The following LPAR1 variants were observed in gnomAD, a reference collection of about 807,000 sequenced individuals.
LPAR1 encodes lysophosphatidic acid receptor 1, also known as LPA receptor 1.
Under a neutral mutation model 23.8 loss-of-function variants are expected in LPAR1, and 5 were observed. That is an observed-to-expected ratio of 0.21 (90% CI 0.11 to 0.44). The LOEUF is 0.44. Ranked by LOEUF, LPAR1 falls within the 20% of genes least tolerant of loss-of-function variation. The pLI is 0.99. For missense variants in LPAR1, 311 were observed against 482.8 expected, an observed-to-expected ratio of 0.64 and a Z score of 3.33; for synonymous variants, 160 against 164.7, an observed-to-expected ratio of 0.97 and a Z score of 0.22.
intron 5 of LPAR1, among the ~76,000 whole-genome samples, chr9:110,930,103 TTA>T (rs1237443970): frequency 6.6e-6 from 1 of 152,370 alleles, no homozygotes; most frequent in East Asian, 1.9e-4. Context: ...TATATTCTCG[TTA>T]TGTTTCAGGT....
intron 4 of LPAR1, among the ~76,000 whole-genome samples, chr9:110,952,834 G>A (rs942542218): frequency 1.3e-5 from 2 of 152,072 alleles, no homozygotes; most frequent in Non-Finnish European, 2.9e-5. Flanking sequence ...CTGAGGACAC[G>A]TCCACCTGGC....
At chr9:110,954,079 A>T (rs1020635533) in intron 4 of LPAR1, among the ~76,000 whole-genome samples, 7 of 152,116 alleles carry the variant, frequency 4.6e-5, no homozygotes, top group Non-Finnish European at 1.0e-4. Flanking sequence ...GCAATTCAGG[A>T]TATAAATGAG....
At chr9:110,980,537 G>A (rs879676468) in intron 2 of LPAR1, among the ~76,000 whole-genome samples, 7 of 151,764 alleles carry the variant, frequency 4.6e-5, no homozygotes, top group Non-Finnish European at 8.8e-5. Flanking sequence ...GATAAATACT[G>A]CAATGTTCTC....
At chr9:110,996,972 C>A (rs1268009465) in intron 2 of LPAR1, among the ~76,000 whole-genome samples, 2 of 152,192 alleles carry the variant, frequency 1.3e-5, no homozygotes, top group Non-Finnish European at 2.9e-5. Flanking sequence ...ACACTGATTT[C>A]TTTTGGCCCC....
In LPAR1 at chr9:110,875,428, A is replaced by G; in HGVS notation, c.1088T>C (p.Val363Ala). ...CTCATCTCAGTTTCCGTTCTAAACC[A>G]CAGAGTGGTCATTGCTGTGAACTCC... ...LAGVHSNDHS[V>A]V is the part of the protein sequence containing the mutation. The change falls in exon 6 of 6, where the codon GTG becomes GCG. Residue 363 changes from valine to alanine, a missense_variant. By Grantham distance (64) the Val-to-Ala change is moderately conservative. Coordinates refer to ENST00000683809, the MANE Select transcript of LPAR1 (RefSeq NM_001351411.2). 1 of 1,611,530 alleles carries G rather than the reference A, an allele frequency of 6.2e-7. No homozygotes were observed. The highest frequency in any genetic ancestry group is 8.5e-7 in the Non-Finnish European group (1 of 1,178,032).
intron 2 of LPAR1, among the ~76,000 whole-genome samples, chr9:110,993,137 T>A (rs1045124269): frequency 3.9e-5 from 6 of 152,164 alleles, no homozygotes; most frequent in Non-Finnish European, 8.8e-5. Context: ...AATTTTTTTT[T>A]AATATACTTT....
intron 5 of LPAR1, among the ~76,000 whole-genome samples, chr9:110,934,226 G>A (rs2094555432): frequency 1.3e-5 from 2 of 152,178 alleles, no homozygotes; most frequent in Non-Finnish European, 2.9e-5. Flanking sequence ...AAGAGACTCT[G>A]TGTCCATTCC....
intron 5 of LPAR1, among the ~76,000 whole-genome samples, chr9:110,880,070 CTG>C (rs2080296735): frequency 6.6e-6 from 1 of 152,212 alleles, no homozygotes; most frequent in Non-Finnish European, 1.5e-5. Context: ...TCATGGGAAA[CTG>C]TCTCACAGCA....
In LPAR1 at chr9:110,875,421, C is replaced by G; in HGVS notation, c.1095G>C (p.Ter365TyrextTer4). ...GVHSNDHSVV[*>Y] is the part of the protein sequence containing the mutation. ...CTGGTTCCTCATCTCAGTTTCCGTT[C>G]TAAACCACAGAGTGGTCATTGCTGT... The change falls in exon 6 of 6, where the codon TAG becomes TAC. Residue 365 changes from the stop codon to tyrosine (Y), a stop_lost. Coordinates refer to ENST00000683809, the MANE Select transcript of LPAR1 (RefSeq NM_001351411.2). 6.2e-7 allele frequency: 1 copy of G among 1,606,266 alleles called. No homozygotes were observed.
In LPAR1 at chr9:110,908,363, TAA is replaced by T. The variant is rs563760089; in HGVS notation, c.794-32643_794-32642del. The stretch of plus-strand genomic sequence containing the variant: ...AATTAACTATATATTAAATTGATAC[TAA>T]GTTATTGTCTAGATGTTATTTTATT... On this transcript the variant is annotated intron_variant, in intron 5 of 5. Transcript: ENST00000683809. Among the ~76,000 whole-genome samples, 1,062 of 150,230 alleles carry T rather than the reference TAA, an allele frequency of 7.1e-3. 14 individuals are homozygous for T. Among genetic ancestry groups the T allele is most frequent in the African/African-American group, 0.024 (984 of 41,156 alleles).
intron 5 of LPAR1, among the ~76,000 whole-genome samples, chr9:110,887,153 T>C (rs919110817): frequency 6.6e-6 from 1 of 152,128 alleles, no homozygotes; most frequent in Non-Finnish European, 1.5e-5. Context: ...CCTGTGGATT[T>C]TTTTTCTTTG....
chr9:110,953,553 C>T (rs1369894356), intron 4 of LPAR1, among the ~76,000 whole-genome samples: 1 of 151,984 alleles, frequency 6.6e-6, no homozygotes, highest in Non-Finnish European at 1.5e-5. Flanking sequence ...ATCCCAACTA[C>T]TTGGGAGGCT....
chr9:111,038,755 G>A (rs575127571), upstream of LPAR1: 681 of 409,960 alleles, frequency 1.7e-3, 11 homozygotes, highest in African/African-American at 0.013. This position sits in a 1 kb window ranked among gnomAD's most constrained non-coding sequence, Gnocchi z 4.4. Context: ...GGTGGCCTTA[G>A]CCTCCCATTC....
At position 110,941,273 on chromosome 9, in the gene LPAR1, T is replaced by C; in HGVS notation, c.793+148A>G. ...TTTAGGAAGACTCATAAGCTGACATTTAATATAAAGGTGCCTCATCCCCTT... is the reference window on the plus strand; with the variant it reads ...TTTAGGAAGACTCATAAGCTGACATCTAATATAAAGGTGCCTCATCCCCTT... On this transcript the variant is annotated intron_variant, in intron 5 of 5. Transcript: ENST00000683809. This position sits in a 1 kb window ranked among gnomAD's most constrained non-coding sequence, Gnocchi z 6.1. 1.4e-6 allele frequency: 1 copy of C among 703,592 alleles called. No homozygotes were observed. Among genetic ancestry groups the C allele is most frequent in the East Asian group, 2.6e-5 (1 of 39,088 alleles). 43.6% of individuals were successfully genotyped at this position (703,592 alleles called of 1,614,324 possible).
chr9:110,922,948 T>C (rs774985678), intron 5 of LPAR1, among the ~76,000 whole-genome samples: 35 of 151,702 alleles, frequency 2.3e-4, no homozygotes, highest in Non-Finnish European at 1.3e-4. Flanking sequence ...CATCAACCCA[T>C]CATCCACATT....
intron 5 of LPAR1, among the ~76,000 whole-genome samples, chr9:110,938,234 C>G (rs1019951082): frequency 6.6e-6 from 1 of 152,170 alleles, no homozygotes; most frequent in Non-Finnish European, 1.5e-5. Context: ...TGTACACAAA[C>G]TAAAGTAAAA....
At chr9:110,887,403 C>T (rs2082700229) in intron 5 of LPAR1, among the ~76,000 whole-genome samples, 1 of 151,772 alleles carries the variant, frequency 6.6e-6, no homozygotes, top group Non-Finnish European at 1.5e-5. Context: ...ACAGTATAAA[C>T]TGTAAATGTG....
intron 2 of LPAR1, among the ~76,000 whole-genome samples, chr9:110,990,874 T>C (rs541029764): frequency 6.6e-6 from 1 of 152,176 alleles, no homozygotes; most frequent in East Asian, 1.9e-4. Context: ...AATAATAAAA[T>C]TGAAAGAGGG....
At chr9:110,988,194 T>C (rs577438196) in intron 2 of LPAR1, among the ~76,000 whole-genome samples, 1 of 152,122 alleles carries the variant, frequency 6.6e-6, no homozygotes, top group South Asian at 2.1e-4. Context: ...GGTGAAAGAA[T>C]TCATCATAAG....
Sources: allele counts gnomAD v4.1 joint callset (sites outside exome capture counted in the v4.1 genomes callset), GRCh38; gene constraint gnomAD v4.1.1; non-coding constraint Gnocchi (gnomAD v3.1); transcripts MANE v1.5; gene names NCBI Gene and HGNC (gene_info 2026-07-23, HGNC 2026-07-21).